Variants in SPIRE1 observed in about 807,000 individuals in gnomAD.
SPIRE1 encodes the protein spire type actin nucleation factor 1.
SPIRE1 carries 40 observed loss-of-function variants against 94.1 expected under a neutral mutation model. That is an observed-to-expected ratio of 0.43 (90% CI 0.33 to 0.55). SPIRE1 has a LOEUF of 0.55. Among genes scored for constraint, SPIRE1 ranks in the 20% least tolerant of loss-of-function variants. The pLI is 0.06. For synonymous variants in SPIRE1, 376 were observed against 371.7 expected, an observed-to-expected ratio of 1.01 and a Z score of -0.13; for missense variants, 838 against 975.2, an observed-to-expected ratio of 0.86 and a Z score of 1.87.
chr18:12,521,490 C>T (rs1474936114), intron 4 of SPIRE1, among the ~76,000 whole-genome samples: 3 of 152,032 alleles, frequency 2.0e-5, no homozygotes, highest in East Asian at 1.9e-4. Context: ...TGCACCACCA[C>T]ACCTGGCTAA....
At chr18:12,515,401 A>T (rs908016739) in intron 4 of SPIRE1, among the ~76,000 whole-genome samples, 2 of 152,218 alleles carry the variant, frequency 1.3e-5, no homozygotes, top group South Asian at 2.1e-4. Context: ...CTGTAGTCCC[A>T]GCTACTCAGG....
chr18:12,529,800 A>G (rs1273981674), intron 4 of SPIRE1, among the ~76,000 whole-genome samples: 1 of 152,236 alleles, frequency 6.6e-6, no homozygotes, highest in Non-Finnish European at 1.5e-5. Context: ...GAGAACAGAG[A>G]TTAGGACATT....
chr18:12,515,562 A>G (rs575339402), intron 4 of SPIRE1, among the ~76,000 whole-genome samples: 83 of 152,228 alleles, frequency 5.5e-4, no homozygotes, highest in African/African-American at 1.9e-3. Context: ...TAAACATGAC[A>G]TATTTTCCTG....
At position 12,616,951 on chromosome 18, in the gene SPIRE1, C is replaced by G. The variant is rs534918453; in HGVS notation, c.372+18111G>C. On this transcript the variant is annotated intron_variant, in intron 2 of 16. Coordinates refer to ENST00000409402, the MANE Select transcript of SPIRE1 (RefSeq NM_001128626.2). The stretch of plus-strand genomic sequence containing the variant: ...CTCGGCTCACTGCAGTCTCCACCCC[C>G]GGGGTTCAAGCGATTCCCCTGCCTC... Among the ~76,000 whole-genome samples, 39 of 147,670 alleles carry G rather than the reference C, an allele frequency of 2.6e-4. No homozygotes were observed. In the East Asian group the frequency reaches 5.9e-3, roughly 22 times the overall value.
chr18:12,494,702 G>A (rs1291098065), intron 7 of SPIRE1, among the ~76,000 whole-genome samples: 1 of 151,386 alleles, frequency 6.6e-6, no homozygotes, highest in Admixed American at 6.6e-5. Flanking sequence ...AGCCGGGCAT[G>A]GTGGCAGGCG....
intron 1 of SPIRE1, among the ~76,000 whole-genome samples, chr18:12,650,044 G>C (rs1157757075): frequency 6.6e-6 from 1 of 151,922 alleles, no homozygotes; most frequent in African/African-American, 2.4e-5. Flanking sequence ...TTTGAGACCA[G>C]CATGATCAAT....
At chr18:12,526,060 C>CACACACACACACACACACACACTT (rs2034514381) in intron 4 of SPIRE1, among the ~76,000 whole-genome samples, 2 of 104,030 alleles carry the variant, frequency 1.9e-5, no homozygotes, top group Non-Finnish European at 4.4e-5. Flanking sequence ...TGAAGATACA[C>CACACACACACACACACACACACTT]ACACACACAC....
rs150086820 is a variant in SPIRE1, at chr18:12,537,666, G to A, written c.604-2065C>T. Among the ~76,000 whole-genome samples the A allele has an allele frequency of 4.6e-5, 7 of 152,270 alleles. No homozygotes were observed. In the East Asian group the frequency reaches 9.7e-4, roughly 21 times the overall value. On this transcript the variant is annotated intron_variant, in intron 3 of 16. Coordinates refer to ENST00000409402, the MANE Select transcript of SPIRE1 (RefSeq NM_001128626.2). ...GAGTTCATAAGCAATTTCAGCAGTT[G>A]CAGAATACATGATTAACAAACAAAA...
intron 1 of SPIRE1, among the ~76,000 whole-genome samples, chr18:12,651,589 G>A (rs933686334): frequency 2.6e-5 from 4 of 152,044 alleles, no homozygotes; most frequent in African/African-American, 9.7e-5. Flanking sequence ...CAGGAGAATC[G>A]CTTGAACCCA....
chr18:12,615,542 C>CAAA (rs71174108), intron 2 of SPIRE1, among the ~76,000 whole-genome samples: 4 of 75,790 alleles, frequency 5.3e-5, no homozygotes, highest in Admixed American at 1.4e-4. Context: ...TCTATCTCCA[C>CAAA]AAAAAAAAAA....
chr18:12,615,521 CAG>C (rs1210912004), intron 2 of SPIRE1, among the ~76,000 whole-genome samples: 1 of 109,688 alleles, frequency 9.1e-6, no homozygotes, highest in Non-Finnish European at 2.0e-5. Flanking sequence ...CCTTGGGCGA[CAG>C]AGAGAGACTC....
chr18:12,600,448 A>G, intron 2 of SPIRE1, among the ~76,000 whole-genome samples: 1 of 152,222 alleles, frequency 6.6e-6, no homozygotes, highest in Non-Finnish European at 1.5e-5. Flanking sequence ...ATCAACAGGT[A>G]TTTAACAGTG....
intron 2 of SPIRE1, among the ~76,000 whole-genome samples, chr18:12,562,710 A>G (rs867741098): frequency 2.3e-4 from 30 of 131,428 alleles, no homozygotes; most frequent in African/African-American, 8.4e-4. Flanking sequence ...GGGTCTCACT[A>G]TGTTGCCTAG....
chr18:12,518,794 C>T (rs1046373015), intron 4 of SPIRE1, among the ~76,000 whole-genome samples: 1 of 152,016 alleles, frequency 6.6e-6, no homozygotes, highest in Non-Finnish European at 1.5e-5. Context: ...ACAATATTGT[C>T]TATAATAAAT....
chr18:12,513,534 T>G (rs1163374007), intron 4 of SPIRE1, among the ~76,000 whole-genome samples: 1 of 121,992 alleles, frequency 8.2e-6, no homozygotes, highest in African/African-American at 3.0e-5. Flanking sequence ...TATTTATTTA[T>G]TTATTTGAGG....
chr18:12,519,777 C>A (rs2034308041), intron 4 of SPIRE1, among the ~76,000 whole-genome samples: 1 of 152,156 alleles, frequency 6.6e-6, no homozygotes, highest in Non-Finnish European at 1.5e-5. Context: ...TTTCACTTAT[C>A]ACTGTGAAAA....
At chr18:12,661,638 G>T (rs2038696625), upstream of SPIRE1, among the ~76,000 whole-genome samples, 1 of 151,996 alleles carries the variant, frequency 6.6e-6, no homozygotes, top group Admixed American at 6.6e-5. Context: ...AGCCAGGCAT[G>T]GTGATGCATG....
chr18:12,528,127 T>A (rs903557037), intron 4 of SPIRE1, among the ~76,000 whole-genome samples: 6 of 151,418 alleles, frequency 4.0e-5, no homozygotes, highest in African/African-American at 1.5e-4. Context: ...AAAAACTTAA[T>A]CTCATTGATG....
chr18:12,643,079 T>C lies in SPIRE1; in HGVS notation c.338-7983A>G, dbSNP rs575159414. Among the ~76,000 whole-genome samples, 13 of 151,866 alleles carry C rather than the reference T, an allele frequency of 8.6e-5. No individual in the cohort carries two copies. The South Asian group carries it at 1.9e-3, about 22-fold the overall frequency. On this transcript the variant is annotated intron_variant, in intron 1 of 16. Coordinates refer to ENST00000409402, the MANE Select transcript of SPIRE1 (RefSeq NM_001128626.2). ...ATATTTCTTGACTATGTATAGTATA[T>C]GTAGTAAAGGATAAATAGCTAAAAA...
Sources: gnomAD v4.1 joint callset for allele counts (sites outside exome capture counted in the v4.1 genomes callset) on GRCh38, gnomAD v4.1.1 for gene constraint, MANE v1.5 for transcripts, NCBI Gene and HGNC (gene_info 2026-07-23, HGNC 2026-07-21) for gene names.